Variants in ATP8A1 observed in about 807,000 individuals in gnomAD.
ATP8A1 encodes ATPase phospholipid transporting 8A1.
A neutral mutation model predicts 177.7 loss-of-function variants in ATP8A1; 90 were observed. The ratio of observed to expected loss-of-function variants is 0.51; its 90% CI spans 0.43 to 0.60. The LOEUF (loss-of-function observed/expected upper bound fraction) is 0.60, where lower values mean the gene tolerates loss of function less well. Ranked by LOEUF, ATP8A1 falls within the 20% of genes least tolerant of loss-of-function variation. The pLI is 0.00. For missense variants in ATP8A1, 1,072 were observed against 1,392.8 expected (o/e 0.77, Z 3.67); for synonymous variants, 493 against 485.9 (o/e 1.01, Z -0.19).
chr4:42,529,047 T>C (rs1726993658), intron 20 of ATP8A1, among the ~76,000 whole-genome samples: 1 of 152,130 alleles, frequency 6.6e-6, no homozygotes, highest in East Asian at 1.9e-4. Flanking sequence ...ATCACATTCC[T>C]TATCTAGGTG....
rs57101361 is a variant in ATP8A1 at position 42,423,419 on chromosome 4, A to T, written c.3212+198T>A. Among the ~76,000 whole-genome samples, 626 of 152,262 alleles carry T rather than the reference A, an allele frequency of 4.1e-3. 4 individuals carry two copies. The highest frequency in any genetic ancestry group is 0.015 in the African/African-American group (603 of 41,544). On this transcript the variant is annotated intron_variant, in intron 34 of 36. Transcript: ENST00000381668. The stretch of plus-strand genomic sequence containing the variant: ...CATTTACTTTTCTCTGTTAACTGAA[A>T]CTACCCGCTTTACTACTCATTTCGT...
chr4:42,448,396 C>CTTTTTTTTTTT (rs1717524401), intron 30 of ATP8A1, among the ~76,000 whole-genome samples: 17 of 84,146 alleles, frequency 2.0e-4, no homozygotes, highest in South Asian at 8.9e-4. Context: ...CCTTCTCTTT[C>CTTTTTTTTTTT]TTTTCTTTTT....
At chr4:42,612,131 T>G (rs1254515454) in intron 5 of ATP8A1, among the ~76,000 whole-genome samples, 1 of 152,116 alleles carries the variant, frequency 6.6e-6, no homozygotes, top group Non-Finnish European at 1.5e-5. Flanking sequence ...TTCTGCCATA[T>G]TTGGATTTTA....
In ATP8A1 at chr4:42,434,636, C is replaced by A. The variant is rs560545875; in HGVS notation, c.3123+8929G>T. ...TGGCTGGACACCTTTTCCTCCAGCT[C>A]AAAGGCTACATCCCTCTGGCTCTCT... On this transcript the variant is annotated intron_variant, in intron 33 of 36. Coordinates refer to ENST00000381668, the MANE Select transcript of ATP8A1 (RefSeq NM_006095.2). 2.0e-5 allele frequency among the ~76,000 whole-genome samples: 3 copies of A among 152,322 alleles called. No individual in the cohort carries two copies. In the South Asian group the frequency reaches 6.2e-4, roughly 32 times the overall value.
At chr4:42,509,292 C>T (rs767551286) in intron 22 of ATP8A1, among the ~76,000 whole-genome samples, 21 of 152,278 alleles carry the variant, frequency 1.4e-4, no homozygotes, top group Non-Finnish European at 2.5e-4. Flanking sequence ...TTTCCAAATA[C>T]TCGGCCAGAT....
chr4:42,420,869 C>T (rs1180669899), intron 35 of ATP8A1, among the ~76,000 whole-genome samples: 4 of 151,586 alleles, frequency 2.6e-5, no homozygotes, highest in South Asian at 4.2e-4. Context: ...CCAGGATTCA[C>T]GCCATTCTCC....
At chr4:42,602,396 T>C (rs941293178) in intron 5 of ATP8A1, among the ~76,000 whole-genome samples, 4 of 152,108 alleles carry the variant, frequency 2.6e-5, no homozygotes, top group African/African-American at 4.8e-5. Flanking sequence ...CAGCCTCCGG[T>C]AGAAAAGCAA....
At chr4:42,512,101 A>G (rs542151839) in intron 22 of ATP8A1, among the ~76,000 whole-genome samples, 27 of 152,364 alleles carry the variant, frequency 1.8e-4, no homozygotes, top group African/African-American at 6.3e-4. Flanking sequence ...AGTGCTTTAC[A>G]TTTAGTAATT....
chr4:42,417,336 C>A (rs1254191706), intron 35 of ATP8A1, among the ~76,000 whole-genome samples: 6 of 144,600 alleles, frequency 4.1e-5, no homozygotes, highest in African/African-American at 2.5e-5. Flanking sequence ...TGTGAAAAGA[C>A]AAAAAAAAAA....
chr4:42,602,205 G>A (rs1735352129), intron 5 of ATP8A1, among the ~76,000 whole-genome samples: 1 of 152,176 alleles, frequency 6.6e-6, no homozygotes, highest in Non-Finnish European at 1.5e-5. Flanking sequence ...AATTTTTACA[G>A]TGCTTAAACA....
chr4:42,483,634 G>A (rs188392164), intron 25 of ATP8A1, among the ~76,000 whole-genome samples: 1 of 152,266 alleles, frequency 6.6e-6, no homozygotes, highest in African/African-American at 2.4e-5. Flanking sequence ...AATTTCACAA[G>A]CACAGAACAT....
At chr4:42,539,164 C>A (rs1240528537) in intron 20 of ATP8A1, among the ~76,000 whole-genome samples, 4 of 151,944 alleles carry the variant, frequency 2.6e-5, no homozygotes, top group Non-Finnish European at 4.4e-5. Flanking sequence ...AAATGGGAAA[C>A]CAAACATCAT....
intron 6 of ATP8A1, among the ~76,000 whole-genome samples, chr4:42,598,475 T>C (rs1182795520): frequency 1.3e-5 from 2 of 152,170 alleles, no homozygotes; most frequent in Admixed American, 1.3e-4. Context: ...ACTGTTCATT[T>C]TTCCAAAATA....
chr4:42,655,010 C>T (rs1741479077), intron 1 of ATP8A1, among the ~76,000 whole-genome samples: 1 of 152,252 alleles, frequency 6.6e-6, no homozygotes, highest in South Asian at 2.1e-4. Context: ...CAAGCACATG[C>T]TGAAGCTATA....
intron 22 of ATP8A1, among the ~76,000 whole-genome samples, chr4:42,517,407 G>A (rs1725671745): frequency 1.3e-5 from 2 of 152,214 alleles, no homozygotes; most frequent in Admixed American, 6.5e-5. Flanking sequence ...AAAGAACGAG[G>A]GTGAGATAAA....
In ATP8A1 at chr4:42,575,669, TGTC is replaced by T. The variant is rs1290337548; in HGVS notation, c.1156_1158del (p.Asp386del). Reference sequence around the variant, plus strand: ...TTAGATGTTCGAGCCATAGCAGCAGTGTCTGTGGGTTCATAGTGCATGTCAAGA... The same window carrying T: ...TTAGATGTTCGAGCCATAGCAGCAGTTGTGGGTTCATAGTGCATGTCAAGA... On this transcript the variant is annotated inframe_deletion, in exon 13 of 37. Coordinates refer to ENST00000381668, the MANE Select transcript of ATP8A1 (RefSeq NM_006095.2). The T allele has an allele frequency of 5.0e-6, 8 of 1,613,622 alleles. No individual in the cohort carries two copies. Among genetic ancestry groups the T allele is most frequent in the Non-Finnish European group, 5.9e-6 (7 of 1,179,746 alleles).
intron 16 of ATP8A1, among the ~76,000 whole-genome samples, chr4:42,555,077 T>TTG (rs1168901319): frequency 1.4e-5 from 2 of 145,894 alleles, no homozygotes; most frequent in Non-Finnish European, 3.0e-5. Flanking sequence ...AAACTCCCCT[T>TTG]TGTGTGTGTA....
chr4:42,506,698 A>G (rs1272131295), intron 23 of ATP8A1, among the ~76,000 whole-genome samples: 2 of 152,030 alleles, frequency 1.3e-5, no homozygotes, highest in Non-Finnish European at 2.9e-5. Context: ...ACTCTTTCCA[A>G]AACATGGGGA....
intron 1 of ATP8A1, among the ~76,000 whole-genome samples, chr4:42,650,979 G>A (rs1454496598): frequency 6.6e-5 from 10 of 152,118 alleles, no homozygotes; most frequent in Non-Finnish European, 1.2e-4. Flanking sequence ...CTCACATGTC[G>A]TAGAGGAACC....
Sources: gnomAD v4.1 joint callset for allele counts (sites outside exome capture counted in the v4.1 genomes callset) on GRCh38, gnomAD v4.1.1 for gene constraint, MANE v1.5 for transcripts, NCBI Gene and HGNC (gene_info 2026-07-23, HGNC 2026-07-21) for gene names.